Variants in CADM1 observed in about 807,000 individuals in gnomAD.
CADM1 encodes cell adhesion molecule 1.
A neutral mutation model predicts 53.1 loss-of-function variants in CADM1; 15 were observed. That is an observed-to-expected ratio of 0.28 (90% CI 0.19 to 0.44). The LOEUF (loss-of-function observed/expected upper bound fraction) is 0.44. CADM1 is among the 20% of genes least tolerant of loss of function. CADM1 has a pLI of 1.00. For synonymous variants in CADM1, 281 were observed against 243.0 expected, an observed-to-expected ratio of 1.16 and a Z score of -1.45; for missense variants, 434 against 611.3, an observed-to-expected ratio of 0.71 and a Z score of 3.06.
intron 10 of CADM1, among the ~76,000 whole-genome samples, chr11:115,187,764 C>T (rs867370262): frequency 6.6e-5 from 10 of 152,114 alleles, no homozygotes; most frequent in Non-Finnish European, 1.3e-4. Flanking sequence ...ATTTTGAAGC[C>T]GTGTTTCTTG....
At chr11:115,210,104 C>T (rs1476026169) in intron 7 of CADM1, among the ~76,000 whole-genome samples, 4 of 152,190 alleles carry the variant, frequency 2.6e-5, no homozygotes, top group Non-Finnish European at 5.9e-5. Context: ...TGCCCCTGCA[C>T]ACTTGCTCTC....
At chr11:115,481,095 T>TCGGTTCCGTG (rs1450905087) in intron 1 of CADM1, among the ~76,000 whole-genome samples, 7 of 152,286 alleles carry the variant, frequency 4.6e-5, no homozygotes, top group Admixed American at 4.6e-4. Context: ...TTCTCTAAGT[T>TCGGTTCCGTG]CTACACCTCC....
At chr11:115,356,756 GTGTT>G (rs1303920426) in intron 1 of CADM1, among the ~76,000 whole-genome samples, 5 of 152,172 alleles carry the variant, frequency 3.3e-5, no homozygotes, top group African/African-American at 1.2e-4. Flanking sequence ...ACTTTTGTCA[GTGTT>G]TGTGTTTAAT....
chr11:115,244,961 G>A (rs750713989), intron 1 of CADM1, among the ~76,000 whole-genome samples: 5 of 152,174 alleles, frequency 3.3e-5, no homozygotes, highest in African/African-American at 9.7e-5. Flanking sequence ...ACAAGCTCTC[G>A]CCCCCGCTGC....
chr11:115,467,893 A>G (rs2135385303), intron 1 of CADM1, among the ~76,000 whole-genome samples: 3 of 152,354 alleles, frequency 2.0e-5, no homozygotes. Context: ...TCCTCTGGAG[A>G]GAAGTCATAA....
intron 1 of CADM1, among the ~76,000 whole-genome samples, chr11:115,434,686 C>G (rs1948138390): frequency 6.6e-6 from 1 of 152,006 alleles, no homozygotes; most frequent in Admixed American, 6.6e-5. Flanking sequence ...ACCATCAGCC[C>G]TTCCTGTGGC....
intron 6 of CADM1, 29 bp downstream of exon 6, chr11:115,217,863 C>A: frequency 7.0e-7 from 1 of 1,435,490 alleles, no homozygotes; most frequent in Non-Finnish European, 9.8e-7. Flanking sequence ...GCGCATGACC[C>A]TCTGCCAACT....
In CADM1 at chr11:115,200,572, C is replaced by T. The variant is rs796974611; in HGVS notation, c.1079-2134G>A. 1.5e-4 allele frequency among the ~76,000 whole-genome samples: 23 copies of T among 152,210 alleles called. 1 individual carries two copies. The highest frequency in any genetic ancestry group is 4.6e-4 in the African/African-American group (19 of 41,536). On this transcript the variant is annotated intron_variant, in intron 8 of 11. Coordinates refer to ENST00000331581, the MANE Select transcript of CADM1 (RefSeq NM_001301043.2). ...GAGCAACGGCGTGATCTTGGCTCAC[C>T]GCAACCTCTGGTTCCTGCATTCAAG...
intron 1 of CADM1, among the ~76,000 whole-genome samples, chr11:115,310,046 C>T (rs1944489347): frequency 6.6e-6 from 1 of 151,954 alleles, no homozygotes; most frequent in African/African-American, 2.4e-5. Context: ...CTATTCAAGA[C>T]TTGTTAAGTT....
chr11:115,399,978 G>A (rs1046193148), intron 1 of CADM1, among the ~76,000 whole-genome samples: 1 of 152,130 alleles, frequency 6.6e-6, no homozygotes, highest in Admixed American at 6.5e-5. Flanking sequence ...TAAATTTCCA[G>A]AAATGTGTGA....
intron 1 of CADM1, among the ~76,000 whole-genome samples, chr11:115,400,383 T>C (rs1334356181): frequency 2.0e-5 from 3 of 151,332 alleles, no homozygotes; most frequent in Admixed American, 6.6e-5. Flanking sequence ...AAAGTATACA[T>C]AGAAAATTGG....
chr11:115,403,278 G>T (rs766861779), intron 1 of CADM1, among the ~76,000 whole-genome samples: 3 of 67,008 alleles, frequency 4.5e-5, no homozygotes, highest in Non-Finnish European at 8.5e-5. Context: ...ATCAAGGAAG[G>T]TCATAAAAGA....
At position 115,370,754 on chromosome 11, in the gene CADM1, C is replaced by A. The variant is rs149464840; in HGVS notation, c.125-130334G>T. ...GCTACACTATCTGTACAGAGGAATA[C>A]AACCTGGATTTTATAGTTATCCACC... is the stretch of plus-strand genomic sequence containing the variant. On this transcript the variant is annotated intron_variant, in intron 1 of 11. Coordinates refer to ENST00000331581, the MANE Select transcript of CADM1 (RefSeq NM_001301043.2). Among the ~76,000 whole-genome samples the A allele has an allele frequency of 2.3e-3, 345 of 152,266 alleles. 3 individuals carry two copies. Among genetic ancestry groups the A allele is most frequent in the African/African-American group, 7.8e-3 (323 of 41,550 alleles).
intron 1 of CADM1, among the ~76,000 whole-genome samples, chr11:115,483,320 T>A (rs1949297792): frequency 6.6e-6 from 1 of 152,232 alleles, no homozygotes; most frequent in East Asian, 1.9e-4. Context: ...AATAATGTTT[T>A]TTTCACATTT....
chr11:115,256,879 AC>A (rs1942806487), intron 1 of CADM1: 1 of 455,962 alleles, frequency 2.2e-6, no homozygotes, highest in African/African-American at 2.0e-5. Flanking sequence ...AGATCTCTGA[AC>A]AGTTTTCTGC....
chr11:115,216,527 T>C (rs1451697461), intron 6 of CADM1, among the ~76,000 whole-genome samples: 1 of 152,170 alleles, frequency 6.6e-6, no homozygotes, highest in Non-Finnish European at 1.5e-5. Context: ...AATTAGGGAA[T>C]AATTCAAACT....
At chr11:115,196,861 T>C (rs1048949694) in intron 9 of CADM1, among the ~76,000 whole-genome samples, 1 of 152,108 alleles carries the variant, frequency 6.6e-6, no homozygotes, top group Non-Finnish European at 1.5e-5. Flanking sequence ...GAATAATAGA[T>C]AAAAGTCAGG....
At chr11:115,323,501 T>C (rs1309642877) in intron 1 of CADM1, among the ~76,000 whole-genome samples, 1 of 152,182 alleles carries the variant, frequency 6.6e-6, no homozygotes, top group Non-Finnish European at 1.5e-5. Context: ...TAGCTCTTTC[T>C]AGCCAACAGC....
At chr11:115,347,935 A>G (rs969325241) in intron 1 of CADM1, among the ~76,000 whole-genome samples, 12 of 152,234 alleles carry the variant, frequency 7.9e-5, no homozygotes, top group African/African-American at 2.9e-4. Context: ...AACATTTGAC[A>G]AAGTGGTGCA....
Sources: allele counts gnomAD v4.1 joint callset (sites outside exome capture counted in the v4.1 genomes callset), GRCh38; gene constraint gnomAD v4.1.1; transcripts MANE v1.5; gene names NCBI Gene and HGNC (gene_info 2026-07-23, HGNC 2026-07-21).